The following SYNPR variants were observed in gnomAD, a reference collection of about 807,000 sequenced individuals.
SYNPR encodes synaptoporin.
Under a neutral mutation model 32.9 loss-of-function variants are expected in SYNPR, and 23 were observed. The observed-to-expected ratio is 0.70, with a 90% CI of 0.50 to 0.99. The LOEUF is 0.99. Among genes scored for constraint, SYNPR ranks in the 50% least tolerant of loss-of-function variants. SYNPR has a pLI of 0.00. For synonymous variants in SYNPR, 146 were observed against 135.9 expected (o/e 1.07, Z -0.52); for missense variants, 318 against 349.3 (o/e 0.91, Z 0.71).
intron 2 of SYNPR, among the ~76,000 whole-genome samples, chr3:63,353,875 T>C (rs963971422): frequency 6.6e-6 from 1 of 152,242 alleles, no homozygotes; most frequent in Non-Finnish European, 1.5e-5. Context: ...GTTTTTCATT[T>C]ATTTGCACTT....
At chr3:63,445,409 C>A in intron 2 of SYNPR, 1 of 567,126 alleles carries the variant, frequency 1.8e-6, no homozygotes. Flanking sequence ...ACAAGTATCA[C>A]TTCTGAAAGG....
intron 3 of SYNPR, among the ~76,000 whole-genome samples, chr3:63,506,298 T>G (rs1304731771): frequency 1.3e-5 from 2 of 152,184 alleles, no homozygotes; most frequent in Non-Finnish European, 2.9e-5. Flanking sequence ...GTACATATGC[T>G]TCTTTCCAAA....
intron 4 of SYNPR, among the ~76,000 whole-genome samples, chr3:63,575,139 G>A (rs1204495021): frequency 3.3e-5 from 5 of 152,108 alleles, no homozygotes; most frequent in Non-Finnish European, 7.4e-5. Context: ...CCACAAGCAT[G>A]AGCTGAGTAT....
intron 2 of SYNPR, among the ~76,000 whole-genome samples, chr3:63,364,459 T>C (rs1286416770): frequency 6.6e-6 from 1 of 152,240 alleles, no homozygotes; most frequent in Non-Finnish European, 1.5e-5. Flanking sequence ...GTATCAATTT[T>C]GCTATTTCTT....
At chr3:63,309,609 T>C (rs1270874063) in intron 2 of SYNPR, among the ~76,000 whole-genome samples, 1 of 152,014 alleles carries the variant, frequency 6.6e-6, no homozygotes, top group Non-Finnish European at 1.5e-5. Flanking sequence ...TTCTGGGTCT[T>C]CTACAAAATG....
chr3:63,515,063 C>T lies in SYNPR; in HGVS notation c.209+34107C>T, dbSNP rs1042135723. On this transcript the variant is annotated intron_variant, in intron 3 of 5. Transcript: ENST00000478300. ...GAAATATTTACAAAGCAATGTTCAA[C>T]GGATTCATGATGTGGGGTTCTAGAA... 1.2e-4 allele frequency among the ~76,000 whole-genome samples: 19 copies of T among 152,168 alleles called. 1 individual carries two copies. Among genetic ancestry groups the T allele is most frequent in the Admixed American group, 8.5e-4 (13 of 15,284 alleles).
chr3:63,251,598 C>A (rs2086331395), intron 1 of SYNPR, among the ~76,000 whole-genome samples: 1 of 152,090 alleles, frequency 6.6e-6, no homozygotes, highest in Non-Finnish European at 1.5e-5. Flanking sequence ...TCCCCCAAAT[C>A]CAGCATGGCA....
chr3:63,390,540 A>G (rs768788871), intron 2 of SYNPR, among the ~76,000 whole-genome samples: 1 of 152,234 alleles, frequency 6.6e-6, no homozygotes, highest in Non-Finnish European at 1.5e-5. Context: ...CAATAGTACC[A>G]TGTGAGACGA....
rs554329326 is a variant in SYNPR at position 63,253,089 on chromosome 3, T to C, written n.154+503T>C. Among the ~76,000 whole-genome samples the C allele has an allele frequency of 2.9e-3, 440 of 151,894 alleles. 5 individuals are homozygous for C. The highest frequency in any genetic ancestry group is 0.01 in the African/African-American group (425 of 41,440). On this transcript the variant is annotated intron_variant and non_coding_transcript_variant, in intron 2 of 4. Transcript: ENST00000478456. The stretch of plus-strand genomic sequence containing the variant: ...TTCCATTTTTCTTTTTCAGTTATTC[T>C]AAACCACTGAAAATATTTGGCAAGT...
intron 2 of SYNPR, among the ~76,000 whole-genome samples, chr3:63,344,059 ATCAGTT>A (rs1364808831): frequency 1.3e-5 from 2 of 152,232 alleles, no homozygotes; most frequent in African/African-American, 2.4e-5. Flanking sequence ...TTCATTTGCA[ATCAGTT>A]TCAAAGACTG....
At chr3:63,611,141 A>G (rs903981899) in intron 5 of SYNPR, among the ~76,000 whole-genome samples, 2 of 152,236 alleles carry the variant, frequency 1.3e-5, no homozygotes, top group African/African-American at 4.8e-5. Flanking sequence ...TTTTAACTAC[A>G]ACAGGAAAAA....
At chr3:63,405,322 C>T (rs1464470498) in intron 2 of SYNPR, among the ~76,000 whole-genome samples, 2 of 152,166 alleles carry the variant, frequency 1.3e-5, no homozygotes, top group Admixed American at 6.6e-5. Context: ...AAACACACAA[C>T]ACAGGTTAAG....
chr3:63,541,166 A>G (rs896471049), intron 3 of SYNPR, among the ~76,000 whole-genome samples: 1 of 151,624 alleles, frequency 6.6e-6, no homozygotes, highest in Non-Finnish European at 1.5e-5. Context: ...AGAAAGAATA[A>G]AACCAAGCAG....
At chr3:63,382,261 T>C (rs931392574) in intron 2 of SYNPR, among the ~76,000 whole-genome samples, 8 of 152,180 alleles carry the variant, frequency 5.3e-5, no homozygotes, top group African/African-American at 1.9e-4. Flanking sequence ...CCCAGGGCCA[T>C]TGTTACTGCC....
At position 63,357,692 on chromosome 3, in the gene SYNPR, T is replaced by C. The variant is rs577618302; in HGVS notation, c.84+78950T>C. Among the ~76,000 whole-genome samples the C allele has an allele frequency of 2.6e-5, 4 of 152,316 alleles. No homozygotes were observed. In the South Asian group the frequency reaches 8.3e-4, roughly 32 times the overall value. ...GAGATTTAACTATTAAGTGTGTACA[T>C]GAATCACCTGTGGGCTTTATAAAAT... On this transcript the variant is annotated intron_variant, in intron 2 of 5. Coordinates refer to ENST00000478300, the MANE Select transcript of SYNPR (RefSeq NM_001130003.2).
At chr3:63,507,925 G>A (rs2106748277) in intron 3 of SYNPR, among the ~76,000 whole-genome samples, 1 of 151,966 alleles carries the variant, frequency 6.6e-6, no homozygotes, top group South Asian at 2.1e-4. Flanking sequence ...AAGTTATCTA[G>A]TAGCTAACTT....
At chr3:63,549,578 G>A (rs897528922) in intron 3 of SYNPR, among the ~76,000 whole-genome samples, 22 of 152,110 alleles carry the variant, frequency 1.4e-4, no homozygotes, top group African/African-American at 5.3e-4. Flanking sequence ...CATTAAATGA[G>A]ATACAAGTAG....
intron 3 of SYNPR, among the ~76,000 whole-genome samples, chr3:63,551,828 T>G (rs1245234464): frequency 6.6e-6 from 1 of 152,116 alleles, no homozygotes; most frequent in Non-Finnish European, 1.5e-5. Context: ...CAGGCACCAT[T>G]CCATCTCTTC....
chr3:63,445,264 C>T (rs1700254176), intron 2 of SYNPR, among the ~76,000 whole-genome samples: 1 of 152,112 alleles, frequency 6.6e-6, no homozygotes, highest in African/African-American at 2.4e-5. Context: ...TATGCCTTTT[C>T]CTCCAGTCTG....
Sources: gnomAD v4.1 joint callset for allele counts (sites outside exome capture counted in the v4.1 genomes callset) on GRCh38, gnomAD v4.1.1 for gene constraint, MANE v1.5 for transcripts, NCBI Gene and HGNC (gene_info 2026-07-23, HGNC 2026-07-21) for gene names.